The following MTDH variants were observed in gnomAD, a reference collection of about 807,000 sequenced individuals.
The protein encoded by MTDH is metadherin.
In MTDH, 34 loss-of-function variants were observed where a neutral mutation model predicts 72.7. That is an observed-to-expected ratio of 0.47 (90% confidence interval 0.36 to 0.62). The LOEUF is 0.62. Ranked by LOEUF, MTDH falls within the 20% of genes least tolerant of loss-of-function variation. The probability of loss-of-function intolerance (pLI) is 0.00; values close to 1 mark genes in which losing one functional copy is unlikely to be tolerated. For missense variants in MTDH, 677 were observed against 699.4 expected (o/e 0.97, Z 0.36); for synonymous variants, 266 against 268.9 (o/e 0.99, Z 0.10).
At chr8:97,645,508 A>G (rs1013358596) in intron 1 of MTDH, among the ~76,000 whole-genome samples, 4 of 152,328 alleles carry the variant, frequency 2.6e-5, no homozygotes, top group Middle Eastern at 3.4e-3. Flanking sequence ...GGGGTCGGTT[A>G]CCTAATACGC....
At chr8:97,691,721 G>A (rs927680228) in intron 6 of MTDH, among the ~76,000 whole-genome samples, 1 of 151,830 alleles carries the variant, frequency 6.6e-6, no homozygotes, top group African/African-American at 2.4e-5. Flanking sequence ...GTGTGTGTGT[G>A]TATTATAGAA....
At chr8:97,714,788 A>G (rs1814789115) in intron 9 of MTDH, among the ~76,000 whole-genome samples, 1 of 152,072 alleles carries the variant, frequency 6.6e-6, no homozygotes, top group African/African-American at 2.4e-5. Flanking sequence ...GGGTTAGCCC[A>G]CATAGTAATT....
At chr8:97,690,800 C>T in intron 5 of MTDH, 152 bp from the exon 6 acceptor site, 2 of 605,898 alleles carry the variant, frequency 3.3e-6, no homozygotes, top group South Asian at 2.4e-5. Flanking sequence ...GTTCAAGCCT[C>T]CTGTTTTTAA....
intron 1 of MTDH, among the ~76,000 whole-genome samples, chr8:97,651,974 C>G (rs1811789547): frequency 6.6e-6 from 1 of 152,144 alleles, no homozygotes; most frequent in African/African-American, 2.4e-5. Context: ...CTCTTCATAT[C>G]TTCCTCACCT....
chr8:97,718,323 G>A (rs555570342), intron 9 of MTDH, among the ~76,000 whole-genome samples: 19 of 152,268 alleles, frequency 1.2e-4, no homozygotes, highest in Admixed American at 2.6e-4. Context: ...GATTACAGGC[G>A]TGAGCCACTG....
chr8:97,648,142 G>T (rs1811632830), intron 1 of MTDH, among the ~76,000 whole-genome samples: 1 of 151,974 alleles, frequency 6.6e-6, no homozygotes, highest in Non-Finnish European at 1.5e-5. Flanking sequence ...TTATCAATTT[G>T]TTTTTTATCC....
chr8:97,703,316 C>T (rs1363712268), intron 7 of MTDH, among the ~76,000 whole-genome samples: 2 of 152,176 alleles, frequency 1.3e-5, no homozygotes, highest in African/African-American at 4.8e-5. Flanking sequence ...CATGATCTTG[C>T]CACTGCACTC....
intron 8 of MTDH, among the ~76,000 whole-genome samples, chr8:97,708,265 T>TTG (rs1814450563): frequency 5.1e-5 from 1 of 19,552 alleles, no homozygotes; most frequent in African/African-American, 2.9e-4. Context: ...ATGCCAGGCC[T>TTG]TTTTTTTTTT....
Position 97,726,441 on chromosome 8 carries a change from A to G in MTDH, c.*1771A>G, listed in dbSNP as rs1815354798. The G allele has an allele frequency of 6.6e-6, 1 of 152,274 alleles. No individual in the cohort carries two copies. 9.4% of individuals were successfully genotyped at this position (152,274 alleles called of 1,614,324 possible). A position where few individuals can be genotyped will look rare whatever the true frequency, so the allele number is the denominator to read the frequency against. On this transcript the variant is annotated 3_prime_UTR_variant, in exon 12 of 12. Transcript: ENST00000336273. ...GTTGGAGGATTCCTAAGGTGTCAGCATTTTGTAAAGGTACCACAAAGGAGA... is the reference window on the plus strand; with the variant it reads ...GTTGGAGGATTCCTAAGGTGTCAGCGTTTTGTAAAGGTACCACAAAGGAGA...
chr8:97,666,352 A>T (rs1234253705), intron 2 of MTDH, among the ~76,000 whole-genome samples: 1 of 152,198 alleles, frequency 6.6e-6, no homozygotes, highest in Non-Finnish European at 1.5e-5. Context: ...ACATTTTCAT[A>T]TCTCTTAATC....
At chr8:97,687,019 C>G (rs919339982) in intron 3 of MTDH, among the ~76,000 whole-genome samples, 3 of 152,070 alleles carry the variant, frequency 2.0e-5, no homozygotes, top group African/African-American at 7.2e-5. Context: ...TTGTCTTTGT[C>G]TCCTGGAATT....
chr8:97,652,840 A>G (rs1272976892), intron 1 of MTDH, among the ~76,000 whole-genome samples: 3 of 152,152 alleles, frequency 2.0e-5, no homozygotes, highest in Non-Finnish European at 4.4e-5. Flanking sequence ...TTTAATTCTT[A>G]AGAGAATAAT....
rs1462002047 is a variant in MTDH, at chr8:97,669,697, A to C, written c.483+8524A>C. Among the ~76,000 whole-genome samples, 4 of 151,882 alleles carry C rather than the reference A, an allele frequency of 2.6e-5. No individual in the cohort carries two copies. In the East Asian group the frequency reaches 7.9e-4, roughly 30 times the overall value. ...TTTGGGAGGCCGAGGCAGGTGGACCATTTGAGGTCAGGAGTTCGAGACCAG... is the reference window on the plus strand; with the variant it reads ...TTTGGGAGGCCGAGGCAGGTGGACCCTTTGAGGTCAGGAGTTCGAGACCAG... On this transcript the variant is annotated intron_variant, in intron 2 of 11. Transcript: ENST00000336273.
intron 1 of MTDH, among the ~76,000 whole-genome samples, chr8:97,651,920 G>A (rs1233887723): frequency 6.6e-6 from 1 of 152,084 alleles, no homozygotes; most frequent in Non-Finnish European, 1.5e-5. Flanking sequence ...AGTTATTCAA[G>A]CCAAAAATAG....
At chr8:97,697,232 CTT>C (rs1813897580) in intron 6 of MTDH, among the ~76,000 whole-genome samples, 1 of 145,750 alleles carries the variant, frequency 6.9e-6, no homozygotes, top group African/African-American at 2.6e-5. Context: ...GGTCAGCAAA[CTT>C]TTTGTATAAA....
intron 2 of MTDH, among the ~76,000 whole-genome samples, chr8:97,681,912 C>T (rs1813092664): frequency 6.6e-6 from 1 of 151,946 alleles, no homozygotes; most frequent in Admixed American, 6.6e-5. Flanking sequence ...CAGTGTCTGA[C>T]ACATAGTAGT....
chr8:97,656,125 T>A (rs1284833679), intron 1 of MTDH, among the ~76,000 whole-genome samples: 1 of 152,064 alleles, frequency 6.6e-6, no homozygotes, highest in Non-Finnish European at 1.5e-5. Context: ...GATCTTTACA[T>A]GTTGTGGCTA....
intron 10 of MTDH, among the ~76,000 whole-genome samples, chr8:97,720,724 G>T (rs1046979723): frequency 6.7e-6 from 1 of 150,134 alleles, no homozygotes; most frequent in Non-Finnish European, 1.5e-5. Flanking sequence ...CGCAATCTCG[G>T]CTCGCTGCAA....
At chr8:97,714,001 ATTAT>A (rs2131068237) in intron 9 of MTDH, among the ~76,000 whole-genome samples, 2 of 152,342 alleles carry the variant, frequency 1.3e-5, no homozygotes, top group East Asian at 3.9e-4. Flanking sequence ...AAAATTCCAA[ATTAT>A]TCATGCATTT....
Sources: allele counts gnomAD v4.1 joint callset (sites outside exome capture counted in the v4.1 genomes callset), GRCh38; gene constraint gnomAD v4.1.1; transcripts MANE v1.5; gene names NCBI Gene and HGNC (gene_info 2026-07-23, HGNC 2026-07-21).